The following ENOX2 variants were observed in gnomAD, a reference collection of about 807,000 sequenced individuals.
The protein encoded by ENOX2 is APK1 antigen.
ENOX2 carries 36 observed loss-of-function variants against 45.0 expected under a neutral mutation model. The observed-to-expected ratio is 0.80, with a 90% CI of 0.61 to 1.06. The LOEUF (loss-of-function observed/expected upper bound fraction) is 1.06. Ranked by LOEUF, ENOX2 falls within the 50% of genes least tolerant of loss-of-function variation. The probability of loss-of-function intolerance (pLI) is 0.00; values close to 1 mark genes in which losing one functional copy is unlikely to be tolerated. For synonymous variants in ENOX2, 174 were observed against 152.3 expected, an observed-to-expected ratio of 1.14 and a Z score of -1.05; for missense variants, 423 against 462.5, an observed-to-expected ratio of 0.91 and a Z score of 0.78.
At chrX:130,838,777 T>C (rs1416896097) in intron 2 of ENOX2, among the ~76,000 whole-genome samples, 1 of 111,870 alleles carries the variant, frequency 8.9e-6, no homozygotes, top group South Asian at 3.8e-4. Context: ...GTGGTCAAGG[T>C]AGGGGTCACA....
intron 10 of ENOX2, among the ~76,000 whole-genome samples, chrX:130,652,942 C>T (rs1211432555): frequency 8.9e-6 from 1 of 112,314 alleles, no homozygotes; most frequent in Non-Finnish European, 1.9e-5. Flanking sequence ...AGACTTCTAG[C>T]TTCCAGAACT....
chrX:130,767,554 T>C (rs1160982176), intron 3 of ENOX2, among the ~76,000 whole-genome samples: 3 of 112,064 alleles, frequency 2.7e-5, no homozygotes, highest in East Asian at 2.8e-4. Flanking sequence ...ATAGAAGAGA[T>C]ACAAAGATGA....
At chrX:130,651,103 A>T (rs1278247065) in intron 10 of ENOX2, among the ~76,000 whole-genome samples, 1 of 112,195 alleles carries the variant, frequency 8.9e-6, no homozygotes, top group Non-Finnish European at 1.9e-5. Flanking sequence ...AAGAGTGGGA[A>T]GAAAGAGCAG....
At position 130,637,414 on chromosome X, in the gene ENOX2, A is replaced by G; in HGVS notation, c.1130-4T>C. 1 of 1,194,472 alleles carries G rather than the reference A, an allele frequency of 8.4e-7. No homozygotes were observed. The highest frequency in any genetic ancestry group is 1.8e-5 in the South Asian group (1 of 55,904). ...GCTTCTGCCTGTGATACTAAGGCTA[A>G]CAATCAATATAAAATATGAAACCAT... On this transcript the variant is annotated splice_polypyrimidine_tract_variant and splice_region_variant and intron_variant, in intron 10 of 14. Coordinates refer to ENST00000394363, the MANE Select transcript of ENOX2 (RefSeq NM_006375.4).
chrX:130,701,175 C>T (rs1184394645), intron 4 of ENOX2, among the ~76,000 whole-genome samples: 4 of 111,000 alleles, frequency 3.6e-5, no homozygotes, highest in Non-Finnish European at 7.5e-5. Context: ...AACATTTAGT[C>T]CCCTGGAACA....
intron 12 of ENOX2, among the ~76,000 whole-genome samples, chrX:130,631,924 A>G (rs1428508561): frequency 1.8e-5 from 2 of 109,731 alleles, no homozygotes; most frequent in Non-Finnish European, 3.8e-5. Flanking sequence ...TATTATCTCC[A>G]TTCTACAGAT....
At chrX:130,728,907 T>A (rs1461751489) in intron 3 of ENOX2, among the ~76,000 whole-genome samples, 3 of 111,695 alleles carry the variant, frequency 2.7e-5, no homozygotes, top group Non-Finnish European at 5.6e-5. Flanking sequence ...GTGTGGCCTT[T>A]CACTTGCTCA....
At chrX:130,649,441 G>A (rs2036342525) in intron 10 of ENOX2, among the ~76,000 whole-genome samples, 1 of 111,085 alleles carries the variant, frequency 9.0e-6, no homozygotes, top group Non-Finnish European at 1.9e-5. Context: ...AAACTAGTAT[G>A]TACTGATGTA....
intron 11 of ENOX2, 111 bp downstream of exon 11, chrX:130,637,118 C>T: frequency 3.2e-6 from 2 of 622,968 alleles, no homozygotes; most frequent in Middle Eastern, 3.4e-4. Context: ...GATAATATTA[C>T]ATCAAGAAGA....
chrX:130,780,671 A>G lies in ENOX2; in HGVS notation c.-39+2876T>C, dbSNP rs1428787145. Among the ~76,000 whole-genome samples the G allele has an allele frequency of 2.7e-5, 3 of 111,906 alleles. No individual in the cohort carries two copies. The Admixed American group carries it at 2.8e-4, about 11-fold the overall frequency. ...CTGCCAAAAGGCCACTGACTTTGAC[A>G]ATCTGAAGGTCACAGGTGACCTTTA... On this transcript the variant is annotated intron_variant, in intron 3 of 14. Transcript: ENST00000394363.
intron 4 of ENOX2, among the ~76,000 whole-genome samples, chrX:130,700,323 T>C (rs1185475119): frequency 8.9e-6 from 1 of 112,543 alleles, no homozygotes; most frequent in African/African-American, 3.2e-5. Context: ...ATTTAACTAA[T>C]ACCAGCATTT....
chrX:130,708,619 T>C (rs2038101088), intron 3 of ENOX2, among the ~76,000 whole-genome samples: 1 of 112,356 alleles, frequency 8.9e-6, no homozygotes, highest in Non-Finnish European at 1.9e-5. Flanking sequence ...TCCCCAGAAA[T>C]TGCTTATTCC....
chrX:130,642,819 T>C (rs1439617215), intron 10 of ENOX2, among the ~76,000 whole-genome samples: 1 of 112,493 alleles, frequency 8.9e-6, no homozygotes, highest in African/African-American at 3.2e-5. Flanking sequence ...GGTATGTAAA[T>C]TGTTTTTTAG....
At chrX:130,691,186 T>C (rs2037586021) in intron 4 of ENOX2, among the ~76,000 whole-genome samples, 1 of 110,748 alleles carries the variant, frequency 9.0e-6, no homozygotes, top group Non-Finnish European at 1.9e-5. Context: ...AGTGGGGGGT[T>C]AATATCTGTA....
chrX:130,661,534 A>T (rs2036688431), intron 9 of ENOX2, among the ~76,000 whole-genome samples: 1 of 111,985 alleles, frequency 8.9e-6, no homozygotes, highest in Non-Finnish European at 1.9e-5. Context: ...AAGAGATCAG[A>T]CAAGGGAATG....
At position 130,825,120 on chromosome X, in the gene ENOX2, A is replaced by G. The variant is rs186482690; in HGVS notation, c.-182-41430T>C. Among the ~76,000 whole-genome samples the G allele has an allele frequency of 4.4e-3, 495 of 111,822 alleles. 4 individuals carry two copies. Among genetic ancestry groups the G allele is most frequent in the African/African-American group, 0.015 (463 of 30,847 alleles). Reference sequence around the variant, plus strand: ...TGAGAAGCAATCTGAGACATCCATCAACAAGGAAATTGACAAATACATTAA... The same window carrying G: ...TGAGAAGCAATCTGAGACATCCATCGACAAGGAAATTGACAAATACATTAA... On this transcript the variant is annotated intron_variant, in intron 2 of 14. Transcript: ENST00000394363.
chrX:130,692,350 A>T (rs2037623413), intron 4 of ENOX2, among the ~76,000 whole-genome samples: 1 of 113,298 alleles, frequency 8.8e-6, no homozygotes, highest in South Asian at 3.6e-4. Context: ...ACTACCAAGT[A>T]TGTACCATTG....
intron 3 of ENOX2, among the ~76,000 whole-genome samples, chrX:130,710,037 A>T (rs1217839716): frequency 9.0e-6 from 1 of 111,511 alleles, no homozygotes; most frequent in African/African-American, 3.3e-5. Context: ...TAATAGTTTT[A>T]AAGATAGCAA....
At chrX:130,839,558 T>C in intron 2 of ENOX2, among the ~76,000 whole-genome samples, 1 of 112,141 alleles carries the variant, frequency 8.9e-6, no homozygotes, top group East Asian at 2.8e-4. Flanking sequence ...TGAATATTTC[T>C]CTTCCTAACC....
Sources: allele counts gnomAD v4.1 joint callset (sites outside exome capture counted in the v4.1 genomes callset), GRCh38; gene constraint gnomAD v4.1.1; transcripts MANE v1.5; gene names NCBI Gene and HGNC (gene_info 2026-07-23, HGNC 2026-07-21).